The following ATP13A4 variants were observed in gnomAD, a reference collection of about 807,000 sequenced individuals.
The protein encoded by ATP13A4 is ATPase 13A4.
Under a neutral mutation model 142.5 loss-of-function variants are expected in ATP13A4, and 114 were observed. The ratio of observed to expected loss-of-function variants is 0.80; its 90% CI spans 0.69 to 0.93. The LOEUF (loss-of-function observed/expected upper bound fraction) is 0.93. ATP13A4 is among the 40% of genes least tolerant of loss of function. The pLI is 0.00. For missense variants in ATP13A4, 1,392 were observed against 1,454.0 expected (o/e 0.96, Z 0.69); for synonymous variants, 488 against 514.8 (o/e 0.95, Z 0.70).
At chr3:193,526,797 A>G (rs1042562940) in intron 1 of ATP13A4, among the ~76,000 whole-genome samples, 1 of 152,250 alleles carries the variant, frequency 6.6e-6, no homozygotes, top group Non-Finnish European at 1.5e-5. Flanking sequence ...AGAGAGCAGC[A>G]GAGATGGGCT....
At chr3:193,499,317 GGTGT>G (rs1259873830) in intron 3 of ATP13A4, among the ~76,000 whole-genome samples, 6 of 152,068 alleles carry the variant, frequency 3.9e-5, no homozygotes, top group African/African-American at 1.4e-4. Context: ...CAGGCTCTAG[GGTGT>G]GTTAGCCATC....
At chr3:193,517,631 C>A (rs1452522418) in intron 1 of ATP13A4, among the ~76,000 whole-genome samples, 1 of 152,144 alleles carries the variant, frequency 6.6e-6, no homozygotes, top group Non-Finnish European at 1.5e-5. Flanking sequence ...CAGGCGCCCG[C>A]CACCACGCCC....
At chr3:193,547,997 T>G (rs1723321255) in intron 1 of ATP13A4, among the ~76,000 whole-genome samples, 1 of 152,174 alleles carries the variant, frequency 6.6e-6, no homozygotes, top group Admixed American at 6.5e-5. Context: ...AAGTAGAGGT[T>G]TCTTAAATAC....
intron 29 of ATP13A4, among the ~76,000 whole-genome samples, chr3:193,406,576 G>A (rs1328032211): frequency 6.6e-6 from 1 of 152,206 alleles, no homozygotes; most frequent in Non-Finnish European, 1.5e-5. Context: ...AAAGAAAGCA[G>A]GAGCACAAGC....
chr3:193,419,633 C>G (rs1199034939), intron 25 of ATP13A4, among the ~76,000 whole-genome samples: 2 of 149,074 alleles, frequency 1.3e-5, no homozygotes, highest in Non-Finnish European at 3.0e-5. Flanking sequence ...TTTGGCCGAG[C>G]TCGCAGTTGT....
intron 16 of ATP13A4, 95 bp downstream of exon 16, chr3:193,456,905 C>G: frequency 2.1e-6 from 3 of 1,454,464 alleles, no homozygotes; most frequent in Non-Finnish European, 2.8e-6. Context: ...TTGGTGATGA[C>G]CCATAGGCGA....
rs79297008 is a variant in ATP13A4, at chr3:193,522,954, C to A, written c.61-8083G>T. ...TTTGTCTCCAGTTTCTGGCACACAG[C>A]AACTAAAACCCTTGGAATGTTCTGA... is the stretch of plus-strand genomic sequence containing the variant. On this transcript the variant is annotated intron_variant, in intron 1 of 29. Coordinates refer to ENST00000342695, the MANE Select transcript of ATP13A4 (RefSeq NM_032279.4). Among the ~76,000 whole-genome samples the A allele has an allele frequency of 5.5e-3, 844 of 152,250 alleles. 14 individuals carry two copies. The highest frequency in any genetic ancestry group is 0.019 in the African/African-American group (795 of 41,524).
intron 2 of ATP13A4, among the ~76,000 whole-genome samples, chr3:193,568,627 T>A (rs1406575010): frequency 6.6e-6 from 1 of 152,204 alleles, no homozygotes; most frequent in Non-Finnish European, 1.5e-5. Context: ...AGCACCCAGA[T>A]CTTTGTTTCT....
chr3:193,583,713 C>G (rs1048861517), intron 1 of ATP13A4, among the ~76,000 whole-genome samples: 1 of 151,836 alleles, frequency 6.6e-6, no homozygotes, highest in Non-Finnish European at 1.5e-5. Context: ...AGCTTGACCT[C>G]TAAGATACAA....
chr3:193,499,482 C>T (rs572523198), intron 3 of ATP13A4, among the ~76,000 whole-genome samples: 30 of 152,200 alleles, frequency 2.0e-4, no homozygotes, highest in Non-Finnish European at 3.2e-4. Flanking sequence ...TTAGTCTTTT[C>T]CATCATCCTG....
chr3:193,565,503 G>C (rs1390167009), intron 2 of ATP13A4, among the ~76,000 whole-genome samples: 1 of 152,204 alleles, frequency 6.6e-6, no homozygotes, highest in Non-Finnish European at 1.5e-5. Flanking sequence ...ACTGGAAGGA[G>C]AGAGATTCAC....
At position 193,401,048 on chromosome 3, in the gene ATP13A4, C is replaced by T. The variant is rs1164405268; in HGVS notation, c.*1604G>A. Among the ~76,000 whole-genome samples, 1 of 152,180 alleles carries T rather than the reference C, an allele frequency of 6.6e-6. No homozygotes were observed. Among genetic ancestry groups the T allele is most frequent in the Non-Finnish European group, 1.5e-5 (1 of 68,030 alleles). On this transcript the variant is annotated 3_prime_UTR_variant, in exon 30 of 30. Coordinates refer to ENST00000342695, the MANE Select transcript of ATP13A4 (RefSeq NM_032279.4). ...AGGGTACCCTCATGGCTGGGAGACA[C>T]CATGTTCCTAGAATCAGCTGCAATC...
chr3:193,475,914 G>T (rs1290366935), intron 8 of ATP13A4, among the ~76,000 whole-genome samples: 1 of 151,952 alleles, frequency 6.6e-6, no homozygotes, highest in Non-Finnish European at 1.5e-5. Flanking sequence ...TCACTCTGAG[G>T]TTATTATATA....
chr3:193,537,363 C>T lies in ATP13A4; in HGVS notation c.60+17377G>A, dbSNP rs1314524448. 2.0e-5 allele frequency among the ~76,000 whole-genome samples: 3 copies of T among 151,772 alleles called. No homozygotes were observed. The East Asian group carries it at 5.8e-4, about 29-fold the overall frequency. The stretch of plus-strand genomic sequence containing the variant: ...AATAGAATTTTCAACAAATGGCCAT[C>T]AAGTAATTGGATATCCATAGGCAAA... On this transcript the variant is annotated intron_variant, in intron 1 of 29. Coordinates refer to ENST00000342695, the MANE Select transcript of ATP13A4 (RefSeq NM_032279.4).
intron 29 of ATP13A4, among the ~76,000 whole-genome samples, chr3:193,406,020 A>G (rs1714474185): frequency 6.6e-6 from 1 of 152,156 alleles, no homozygotes. Flanking sequence ...ATGGTTTAGC[A>G]TATTGCTTCT....
At chr3:193,487,136 A>G (rs1482687251) in intron 7 of ATP13A4, among the ~76,000 whole-genome samples, 1 of 152,168 alleles carries the variant, frequency 6.6e-6, no homozygotes, top group Non-Finnish European at 1.5e-5. Context: ...GAGAGGATGG[A>G]GAGTGTGTTG....
At position 193,407,260 on chromosome 3, in the gene ATP13A4, A is replaced by G. The variant is rs1714543426; in HGVS notation, c.3378+53T>C. On this transcript the variant is annotated intron_variant, in intron 29 of 29. Transcript: ENST00000342695. ...TTCAGAGTCCCAAAGAAGTCCCCCT[A>G]CACACATGCGTGCACACACACAAGA... is the stretch of plus-strand genomic sequence containing the variant. 17 of 1,504,654 alleles carry G rather than the reference A, an allele frequency of 1.1e-5. No individual in the cohort carries two copies. In the South Asian group the frequency reaches 1.2e-4, roughly 11 times the overall value. 93.2% of individuals were successfully genotyped at this position (1,504,654 alleles called of 1,614,324 possible).
At chr3:193,489,551 G>C (rs957333354) in intron 7 of ATP13A4, among the ~76,000 whole-genome samples, 179 bp downstream of exon 7, 5 of 152,180 alleles carry the variant, frequency 3.3e-5, no homozygotes, top group African/African-American at 1.2e-4. Flanking sequence ...GATTGGAATG[G>C]GAGGAAAGGG....
rs1301643097 is a variant in ATP13A4, at chr3:193,464,945, C to G, written c.1456G>C (p.Asp486His). The G allele has an allele frequency of 6.2e-7, 1 of 1,613,842 alleles. No individual in the cohort carries two copies. Among genetic ancestry groups the G allele is most frequent in the South Asian group, 1.1e-5 (1 of 91,046 alleles). ...VCGQLNLVCF[D>H]KTGTLTRDGL... ...TAAGGATGAAACACACATACCTTGT[C>G]AAAGCAGACAAGGTTTAACTGTCCA... is the stretch of plus-strand genomic sequence containing the variant. Residue 486 changes from aspartate to histidine, a missense_variant, in exon 12 of 30, where the codon GAC becomes CAC. Physicochemically the swap from Asp to His is moderately conservative, Grantham distance 81. Coordinates refer to ENST00000342695, the MANE Select transcript of ATP13A4 (RefSeq NM_032279.4).
Sources: gnomAD v4.1 joint callset for allele counts (sites outside exome capture counted in the v4.1 genomes callset) on GRCh38, gnomAD v4.1.1 for gene constraint, MANE v1.5 for transcripts, NCBI Gene and HGNC (gene_info 2026-07-23, HGNC 2026-07-21) for gene names.